The following CUX2 variants were observed in gnomAD, a reference collection of about 807,000 sequenced individuals.
CUX2 encodes homeobox protein cut-like 2.
CUX2 carries 40 observed loss-of-function variants against 144.8 expected under a neutral mutation model. That is an observed-to-expected ratio of 0.28 (90% CI 0.21 to 0.36). The LOEUF (loss-of-function observed/expected upper bound fraction) is 0.36, where lower values mean the gene tolerates loss of function less well. Among genes scored for constraint, CUX2 ranks in the 10% least tolerant of loss-of-function variants. The pLI is 1.00. For synonymous variants in CUX2, 827 were observed against 875.6 expected (o/e 0.94, Z 0.98); for missense variants, 1,615 against 1,994.0 (o/e 0.81, Z 3.62).
At position 111,068,244 on chromosome 12, in the gene CUX2, G is replaced by A. The variant is rs554407442; in HGVS notation, c.63+34004G>A. Among the ~76,000 whole-genome samples the A allele has an allele frequency of 2.0e-5, 3 of 151,906 alleles. No homozygotes were observed. The highest frequency in any genetic ancestry group is 2.1e-4 in the South Asian group (1 of 4,796). On this transcript the variant is annotated intron_variant, in intron 1 of 21. Coordinates refer to ENST00000261726, the MANE Select transcript of CUX2 (RefSeq NM_015267.4). This position sits in a 1 kb window ranked among gnomAD's most constrained non-coding sequence, Gnocchi z 4.9. ...AAATGCCACTTTTTCTAATTTTGCC[G>A]GAGTTGCCCTCCCCACTTTCCCTCT...
chr12:111,218,099 G>A (rs936866305), intron 3 of CUX2, among the ~76,000 whole-genome samples, 162 bp downstream of exon 3: 6 of 152,122 alleles, frequency 3.9e-5, no homozygotes, highest in East Asian at 1.9e-4. Context: ...TCTCCCATCC[G>A]AATGGTATAG....
At chr12:111,225,523 C>T (rs186332582) in intron 3 of CUX2, among the ~76,000 whole-genome samples, 1 of 152,198 alleles carries the variant, frequency 6.6e-6, no homozygotes, top group African/African-American at 2.4e-5. Flanking sequence ...AACTGGGGCT[C>T]AGAGAGGTCA....
At position 111,160,813 on chromosome 12, in the gene CUX2, A is replaced by G. The variant is rs1817416226; in HGVS notation, c.64-53387A>G. ...CTGATGGGGCTTGCGGTGATGATGTAATGTGTCGGGATGGAATGAATGAAG... is the reference window on the plus strand; with the variant it reads ...CTGATGGGGCTTGCGGTGATGATGTGATGTGTCGGGATGGAATGAATGAAG... On this transcript the variant is annotated intron_variant, in intron 1 of 21. Transcript: ENST00000261726. This position sits in a 1 kb window ranked among gnomAD's most constrained non-coding sequence, Gnocchi z 4.1. Among the ~76,000 whole-genome samples the G allele has an allele frequency of 6.6e-6, 1 of 151,948 alleles. No homozygotes were observed. The highest frequency in any genetic ancestry group is 6.6e-5 in the Admixed American group (1 of 15,266).
Position 111,249,792 on chromosome 12 carries a change from T to G in CUX2, c.223-13969T>G, listed in dbSNP as rs139998312. Among the ~76,000 whole-genome samples, 941 of 152,188 alleles carry G rather than the reference T, an allele frequency of 6.2e-3. 5 individuals are homozygous for G. Among genetic ancestry groups the G allele is most frequent in the Non-Finnish European group, 0.011 (723 of 68,000 alleles). ...TTTTTTAGAGCAGTTTTATTTGGGC[T>G]TAGAGAGAATTTGAGCAGAAAGTAT... On this transcript the variant is annotated intron_variant, in intron 3 of 21. Transcript: ENST00000261726.
chr12:111,096,129 G>A (rs1872800210), intron 1 of CUX2, among the ~76,000 whole-genome samples: 2 of 152,140 alleles, frequency 1.3e-5, no homozygotes, highest in African/African-American at 4.8e-5. Flanking sequence ...GTGTGCCACC[G>A]AGCCCCCCAT....
rs1886828386 is a variant in CUX2 at position 111,310,314 on chromosome 12, T to C, written c.1532T>C (p.Phe511Ser). The C allele has an allele frequency of 4.0e-6, 6 of 1,506,064 alleles. No individual in the cohort carries two copies. The highest frequency in any genetic ancestry group is 5.3e-6 in the Non-Finnish European group (6 of 1,123,534). The allele number at this position is 1,506,064 out of a possible 1,614,324, so 93.3% of individuals were successfully genotyped here. A position where few individuals can be genotyped will look rare whatever the true frequency, so the allele number is the denominator to read the frequency against. ...GGCCTGCTGGTGTTCCCCCCAGCCT[T>C]CTATGGCGCCAAGCCCCCCACAGCC... ...AGGLLVFPPA[F>S]YGAKPPTAPA... The change falls in exon 15 of 22, where the codon TTC becomes TCC. Residue 511 changes from phenylalanine to serine, a missense_variant. Coordinates refer to ENST00000261726, the MANE Select transcript of CUX2 (RefSeq NM_015267.4). This position sits in a 1 kb window ranked among gnomAD's most constrained non-coding sequence, Gnocchi z 7.9.
chr12:111,161,031 G>A (rs1422751033), intron 1 of CUX2, among the ~76,000 whole-genome samples: 1 of 152,190 alleles, frequency 6.6e-6, no homozygotes, highest in Non-Finnish European at 1.5e-5. Context: ...GGTGGGTGGT[G>A]GAGCTCAGAG....
chr12:111,051,252 G>C (rs1870249721), intron 1 of CUX2, among the ~76,000 whole-genome samples: 2 of 152,092 alleles, frequency 1.3e-5, no homozygotes, highest in Admixed American at 6.5e-5. Context: ...TCTGTTCTTG[G>C]TTTATAGTGT....
At chr12:111,334,186 T>TA (rs11383956) in intron 18 of CUX2, among the ~76,000 whole-genome samples, 52,858 of 143,274 alleles carry the variant, frequency 0.37, 11,454 homozygotes, top group East Asian at 0.87. Context: ...GACTCCGTCT[T>TA]AAAAAAAAAA....
intron 4 of CUX2, among the ~76,000 whole-genome samples, chr12:111,279,210 A>G (rs1258452812): frequency 6.6e-6 from 1 of 152,194 alleles, no homozygotes; most frequent in Non-Finnish European, 1.5e-5. Flanking sequence ...AGGTCCCCTT[A>G]TGGCATGGGC....
chr12:111,099,455 C>G (rs374992833), intron 1 of CUX2: 1 of 422,014 alleles, frequency 2.4e-6, no homozygotes, highest in Non-Finnish European at 4.8e-6. Context: ...GCCCGGAAAG[C>G]CAGGTTGGGT....
intron 8 of CUX2, among the ~76,000 whole-genome samples, chr12:111,298,055 T>C (rs1886098075): frequency 6.6e-6 from 1 of 152,144 alleles, no homozygotes. Flanking sequence ...TGTGTGGCCT[T>C]GGGTCACAAA....
chr12:111,281,803 C>T (rs902952186), intron 4 of CUX2, among the ~76,000 whole-genome samples: 1 of 152,022 alleles, frequency 6.6e-6, no homozygotes, highest in African/African-American at 2.4e-5. Flanking sequence ...GATGCCAAGA[C>T]AGCTTTAGAT....
At chr12:111,257,397 TTCC>T (rs1472668070) in intron 3 of CUX2, among the ~76,000 whole-genome samples, 1 of 37,498 alleles carries the variant, frequency 2.7e-5, no homozygotes, top group Non-Finnish European at 4.8e-5. Context: ...CTCCCACTTC[TTCC>T]TCCCCCTCCC....
chr12:111,298,882 C>T (rs1886148846), intron 9 of CUX2, among the ~76,000 whole-genome samples: 2 of 152,154 alleles, frequency 1.3e-5, no homozygotes, highest in Admixed American at 1.3e-4. Flanking sequence ...ACCCAGACTG[C>T]GGGAGTCCAG....
At position 111,312,584 on chromosome 12, in the gene CUX2, C is replaced by T. The variant is rs985450228; in HGVS notation, c.2002+383C>T. On this transcript the variant is annotated intron_variant, in intron 16 of 21. Transcript: ENST00000261726. This position sits in a 1 kb window ranked among gnomAD's most constrained non-coding sequence, Gnocchi z 4.3. The stretch of plus-strand genomic sequence containing the variant: ...GCATGGTGATATGTGCCTGTAATCC[C>T]AGCTACTTAGAAGGCTGAGGCAGGA... Among the ~76,000 whole-genome samples the T allele has an allele frequency of 6.6e-6, 1 of 152,054 alleles. No individual in the cohort carries two copies. Among genetic ancestry groups the T allele is most frequent in the African/African-American group, 2.4e-5 (1 of 41,370 alleles).
At chr12:111,286,483 C>T (rs1051354257) in intron 4 of CUX2, among the ~76,000 whole-genome samples, 3 of 152,188 alleles carry the variant, frequency 2.0e-5, no homozygotes, top group Middle Eastern at 3.4e-3. Flanking sequence ...CACCTGTAAT[C>T]CTAGCAAGCC....
intron 1 of CUX2, among the ~76,000 whole-genome samples, chr12:111,078,039 T>A (rs1871633772): frequency 6.6e-6 from 1 of 152,194 alleles, no homozygotes; most frequent in Non-Finnish European, 1.5e-5. Flanking sequence ...TCTGTCCCTG[T>A]CCTTGGAGAT....
chr12:111,176,618 G>GA (rs545935809), intron 1 of CUX2, among the ~76,000 whole-genome samples: 11 of 152,162 alleles, frequency 7.2e-5, no homozygotes, highest in Middle Eastern at 3.4e-3. Context: ...TTTGGATGGG[G>GA]AAAAAAAGGT....
Sources: allele counts gnomAD v4.1 joint callset (sites outside exome capture counted in the v4.1 genomes callset), GRCh38; gene constraint gnomAD v4.1.1; non-coding constraint Gnocchi (gnomAD v3.1); transcripts MANE v1.5; gene names NCBI Gene and HGNC (gene_info 2026-07-23, HGNC 2026-07-21).